Variants in MOB2 observed in about 807,000 individuals in gnomAD.
MOB2 encodes the protein MOB kinase activator 2.
MOB2 carries 14 observed loss-of-function variants against 27.4 expected under a neutral mutation model. The observed-to-expected ratio is 0.51, with a 90% confidence interval of 0.34 to 0.80. MOB2 has a LOEUF of 0.80. Among genes scored for constraint, MOB2 ranks in the 30% least tolerant of loss-of-function variants. The pLI is 0.01. For missense variants in MOB2, 304 were observed against 354.6 expected, an observed-to-expected ratio of 0.86 and a Z score of 1.15; for synonymous variants, 167 against 151.8, an observed-to-expected ratio of 1.10 and a Z score of -0.74.
chr11:1,478,205 C>A (rs540120251), intron 3 of MOB2, among the ~76,000 whole-genome samples: 1 of 152,184 alleles, frequency 6.6e-6, no homozygotes. Context: ...ACAGGCCCCA[C>A]GGCCGCCCTG....
rs117641120 is a variant in MOB2 at position 1,481,001 on chromosome 11, C to T, written c.111-116G>A. On this transcript the variant is annotated intron_variant, in intron 1 of 4. Transcript: ENST00000329957. ...AGGGAGCTGCCCGAGCCCATCGGGG[C>T]GACACTGCCTCCCTGCCAGGCTCAA... 3.8e-4 allele frequency: 486 copies of T among 1,269,296 alleles called. 4 individuals are homozygous for T. The East Asian group carries it at 0.01, about 27-fold the overall frequency. 78.6% of individuals were successfully genotyped at this position (1,269,296 alleles called of 1,614,324 possible).
At position 1,486,769 on chromosome 11, in the gene MOB2, T is replaced by G; in HGVS notation, c.-213A>C. ...ATTGGCCTTTTCCAAGTGGCATGGCTGCCAGAAGAGGCGGTGGGGGTGGGA... is the reference window on the plus strand; with the variant it reads ...ATTGGCCTTTTCCAAGTGGCATGGCGGCCAGAAGAGGCGGTGGGGGTGGGA... On this transcript the variant is annotated 5_prime_UTR_variant, in exon 1 of 5. Coordinates refer to ENST00000329957, the MANE Select transcript of MOB2 (RefSeq NM_001172223.3). 2 of 500,638 alleles carry G rather than the reference T, an allele frequency of 4.0e-6. No homozygotes were observed. Among genetic ancestry groups the G allele is most frequent in the Non-Finnish European group, 7.3e-6 (2 of 275,778 alleles). 31.0% of individuals were successfully genotyped at this position (500,638 alleles called of 1,614,324 possible).
At chr11:1,475,519 T>G (rs188885876) in intron 3 of MOB2, among the ~76,000 whole-genome samples, 3 of 152,332 alleles carry the variant, frequency 2.0e-5, no homozygotes, top group African/African-American at 4.8e-5. Context: ...TAAGTTAGTC[T>G]CGAACTCCTG....
intron 2 of MOB2, 26 bp from the exon 3 acceptor site, chr11:1,480,512 T>C (rs751643054): frequency 8.1e-6 from 13 of 1,610,804 alleles, no homozygotes; most frequent in South Asian, 2.2e-5. Flanking sequence ...AGGAGCCAGA[T>C]GTGAAAAACG....
At position 1,470,166 on chromosome 11, in the gene MOB2, G is replaced by A. The variant is rs767719697; in HGVS notation, c.*6C>T. 3.1e-6 allele frequency: 5 copies of A among 1,590,216 alleles called. No individual in the cohort carries two copies. Among genetic ancestry groups the A allele is most frequent in the Admixed American group, 1.8e-5 (1 of 56,154 alleles). On this transcript the variant is annotated 3_prime_UTR_variant, in exon 5 of 5. Coordinates refer to ENST00000329957, the MANE Select transcript of MOB2 (RefSeq NM_001172223.3). ...CACACGTGTGCCCCTGTCCGGCCCGGGGGGCTCATCTCTCCTTCACGTGGT... is the reference window on the plus strand; with the variant it reads ...CACACGTGTGCCCCTGTCCGGCCCGAGGGGCTCATCTCTCCTTCACGTGGT...
At chr11:1,482,317 C>G (rs1191741874) in intron 1 of MOB2, among the ~76,000 whole-genome samples, 4 of 152,240 alleles carry the variant, frequency 2.6e-5, no homozygotes, top group Non-Finnish European at 1.5e-5. Context: ...TCAGCGCGCT[C>G]ACTCTCAGGG....
At position 1,469,783 on chromosome 11, in the gene MOB2, G is replaced by C. The variant is rs1049721624; in HGVS notation, c.*389C>G. 1 of 491,574 alleles carries C rather than the reference G, an allele frequency of 2.0e-6. No individual in the cohort carries two copies. Among genetic ancestry groups the C allele is most frequent in the Non-Finnish European group, 4.0e-6 (1 of 250,686 alleles). 30.5% of individuals were successfully genotyped at this position (491,574 alleles called of 1,614,324 possible). On this transcript the variant is annotated 3_prime_UTR_variant, in exon 5 of 5. Coordinates refer to ENST00000329957, the MANE Select transcript of MOB2 (RefSeq NM_001172223.3). ...AGCCCCACCCCCAGAGCAGAGCAGA[G>C]ACCCAGGTCTGCAAATCACACCCTC...
chr11:1,471,533 G>T, intron 3 of MOB2, 114 bp from the exon 4 acceptor site: 1 of 1,350,376 alleles, frequency 7.4e-7, no homozygotes, highest in Non-Finnish European at 1.0e-6. Context: ...GCGGAGGTGT[G>T]GCAGACCCAG....
At chr11:1,480,196 G>A (rs549224512) in intron 3 of MOB2, among the ~76,000 whole-genome samples, 197 bp downstream of exon 3, 30 of 152,322 alleles carry the variant, frequency 2.0e-4, no homozygotes, top group Middle Eastern at 3.4e-3. Flanking sequence ...CCCCACTGGG[G>A]ACCTGGGTAG....
chr11:1,481,180 A>C, intron 1 of MOB2: 2 of 511,666 alleles, frequency 3.9e-6, no homozygotes, highest in African/African-American at 1.9e-5. Flanking sequence ...AAGTCCTCCA[A>C]CCAGGGAGGG....
intron 3 of MOB2, chr11:1,471,653 C>T (rs1397194541): frequency 2.5e-5 from 12 of 478,446 alleles, no homozygotes; most frequent in South Asian, 3.7e-5. Flanking sequence ...GCCAGGATCA[C>T]GCTGGGGAGC....
chr11:1,471,615 G>A (rs1481073796), intron 3 of MOB2, 196 bp from the exon 4 acceptor site: 8 of 593,906 alleles, frequency 1.3e-5, no homozygotes, highest in Non-Finnish European at 2.0e-5. Flanking sequence ...CTCTATGGAG[G>A]GGTCTGCCTG....
Position 1,480,621 on chromosome 11 carries a change from C to A in MOB2, c.271+104G>T. On this transcript the variant is annotated intron_variant, in intron 2 of 4. Transcript: ENST00000329957. ...GTCCACGGGCCACATTCTCCCCTCGCGGCAGGGGGCTGCTGAGCACCAGCC... is the reference window on the plus strand; with the variant it reads ...GTCCACGGGCCACATTCTCCCCTCGAGGCAGGGGGCTGCTGAGCACCAGCC... The A allele has an allele frequency of 2.6e-6, 4 of 1,526,018 alleles. No homozygotes were observed. In the South Asian group the frequency reaches 4.8e-5, roughly 18 times the overall value. 94.5% of individuals were successfully genotyped at this position (1,526,018 alleles called of 1,614,324 possible). A position where few individuals can be genotyped will look rare whatever the true frequency, so the allele number is the denominator to read the frequency against.
intron 1 of MOB2, among the ~76,000 whole-genome samples, chr11:1,482,127 G>A (rs945174987): frequency 5.3e-5 from 8 of 152,214 alleles, no homozygotes; most frequent in Non-Finnish European, 7.4e-5. Flanking sequence ...CACCCCACCC[G>A]GGCAGCTACA....
chr11:1,475,221 T>A (rs1325005628), intron 3 of MOB2, among the ~76,000 whole-genome samples: 4 of 152,244 alleles, frequency 2.6e-5, no homozygotes, highest in African/African-American at 9.6e-5. Context: ...CAGTTTTAAA[T>A]TTCACATTGC....
intron 2 of MOB2, 68 bp downstream of exon 2, chr11:1,480,657 C>G: frequency 6.4e-7 from 1 of 1,572,608 alleles, no homozygotes; most frequent in South Asian, 1.2e-5. Flanking sequence ...GTGGGGGTCC[C>G]CCTTGAGGAG....
chr11:1,486,398 A>G, intron 1 of MOB2, 49 bp downstream of exon 1: 1 of 1,392,184 alleles, frequency 7.2e-7, no homozygotes, highest in South Asian at 1.2e-5. Context: ...AGAACAGGGC[A>G]GACAGATGTG....
Position 1,486,580 on chromosome 11 carries a change from A to C in MOB2, c.-24T>G. On this transcript the variant is annotated 5_prime_UTR_variant, in exon 1 of 5. Transcript: ENST00000329957. ...ATGAGTGGGCGACGGGAAGGTGGGG[A>C]GGAGAAGCGGGGCGGGGTGCCGGCT... 6.7e-7 allele frequency: 1 copy of C among 1,500,146 alleles called. No homozygotes were observed. Among genetic ancestry groups the C allele is most frequent in the Non-Finnish European group, 9.0e-7 (1 of 1,114,840 alleles). 92.9% of individuals were successfully genotyped at this position (1,500,146 alleles called of 1,614,324 possible).
At chr11:1,481,335 A>C (rs560327142) in intron 1 of MOB2, 3 of 259,808 alleles carry the variant, frequency 1.2e-5, no homozygotes, top group South Asian at 1.1e-4. Context: ...CGGTGAAAAC[A>C]TACCACAGGC....
Sources: gnomAD v4.1 joint callset for allele counts (sites outside exome capture counted in the v4.1 genomes callset) on GRCh38, gnomAD v4.1.1 for gene constraint, MANE v1.5 for transcripts, NCBI Gene and HGNC (gene_info 2026-07-23, HGNC 2026-07-21) for gene names.